The following NUP210L variants were observed in gnomAD, a reference collection of about 807,000 sequenced individuals.
NUP210L encodes nuclear pore membrane glycoprotein 210-like.
Under a neutral mutation model 208.5 loss-of-function variants are expected in NUP210L, and 74 were observed. That is an observed-to-expected ratio of 0.35 (90% CI 0.29 to 0.43). NUP210L has a LOEUF of 0.43. Among genes scored for constraint, NUP210L ranks in the 20% least tolerant of loss-of-function variants. The pLI is 1.00. For missense variants in NUP210L, 1,843 were observed against 2,289.4 expected (o/e 0.81, Z 3.98); for synonymous variants, 780 against 816.9 (o/e 0.95, Z 0.77).
chr1:154,151,829 C>G lies in NUP210L; in HGVS notation c.340+907G>C, dbSNP rs565058393. Among the ~76,000 whole-genome samples the G allele has an allele frequency of 3.9e-5, 6 of 152,048 alleles. No homozygotes were observed. The South Asian group carries it at 1.2e-3, about 32-fold the overall frequency. ...GCTGTCCGGGCACGGTGGCTCACAC[C>G]TATAATCCCAGCACTTTGGGAGGCT... On this transcript the variant is annotated intron_variant, in intron 2 of 39. Transcript: ENST00000368559.
At chr1:154,060,479 A>G in intron 20 of NUP210L, 61 bp downstream of exon 20, 1 of 1,027,726 alleles carries the variant, frequency 9.7e-7, no homozygotes, top group Non-Finnish European at 1.5e-6. Context: ...GAATTTTTCC[A>G]ATCTCCTCAG....
intron 15 of NUP210L, among the ~76,000 whole-genome samples, chr1:154,089,797 C>T (rs962851958): frequency 7.9e-5 from 12 of 151,994 alleles, no homozygotes; most frequent in African/African-American, 2.9e-4. Flanking sequence ...TTGAAAACAA[C>T]TGGAACATTA....
intron 13 of NUP210L, among the ~76,000 whole-genome samples, chr1:154,101,172 C>CA (rs35540425): frequency 0.56 from 58,840 of 104,602 alleles, 16,747 homozygotes; most frequent in African/African-American, 0.66. Context: ...AACTCTGTCT[C>CA]AAAAAAAAAA....
intron 16 of NUP210L, chr1:154,078,868 G>A (rs995163759): frequency 2.0e-5 from 3 of 152,190 alleles, no homozygotes; most frequent in Admixed American, 1.3e-4. Context: ...AGAAGGCCAT[G>A]CAGTTCATCA....
intron 2 of NUP210L, among the ~76,000 whole-genome samples, chr1:154,150,331 G>T (rs747850820): frequency 7.9e-5 from 12 of 151,980 alleles, no homozygotes; most frequent in African/African-American, 2.9e-4. Flanking sequence ...TGGAGATCAC[G>T]TCATTGCACT....
At chr1:154,105,486 TAA>T (rs11336927) in intron 12 of NUP210L, among the ~76,000 whole-genome samples, 73 of 147,280 alleles carry the variant, frequency 5.0e-4, no homozygotes, top group Non-Finnish European at 4.6e-4. Context: ...AAAAATCCGT[TAA>T]AAAAAAAAAA....
intron 17 of NUP210L, among the ~76,000 whole-genome samples, chr1:154,068,239 T>C (rs1654515604): frequency 6.6e-6 from 1 of 152,120 alleles, no homozygotes; most frequent in African/African-American, 2.4e-5. Context: ...AACAGAGATA[T>C]AGACCAATGG....
intron 27 of NUP210L, among the ~76,000 whole-genome samples, chr1:154,044,262 C>A (rs1386643101): frequency 6.6e-6 from 1 of 151,960 alleles, no homozygotes; most frequent in Admixed American, 6.6e-5. Flanking sequence ...AAAAAATTAG[C>A]CGGGCCTGGT....
rs201541774 is a variant in NUP210L at position 154,118,768 on chromosome 1, T to C, written c.1367A>G (p.Gln456Arg). The C allele has an allele frequency of 1.6e-5, 25 of 1,594,406 alleles. No individual in the cohort carries two copies. In the Admixed American group the frequency reaches 2.5e-4, roughly 16 times the overall value. The change falls in exon 11 of 40, where the codon CAA becomes CGA. Residue 456 changes from glutamine (Q) to arginine (R), a missense_variant. Gln to Arg is a conservative substitution (Grantham distance 43). Coordinates refer to ENST00000368559, the Ensembl canonical transcript of NUP210L. Reference sequence around the variant, plus strand: ...GGGAAAATAAATCTTCACTTCTTGTTGGTGTTTGATTAGAAATTTTATAGG... The same window carrying C: ...GGGAAAATAAATCTTCACTTCTTGTCGGTGTTTGATTAGAAATTTTATAGG...
rs151064115 is a variant in NUP210L at position 154,115,875 on chromosome 1, A to G, written c.1620+1850T>C. Among the ~76,000 whole-genome samples, 143 of 151,864 alleles carry G rather than the reference A, an allele frequency of 9.4e-4. 3 individuals carry two copies. The highest frequency in any genetic ancestry group is 3.7e-4 in the Non-Finnish European group (25 of 67,928). ...GGCTCATGCCTGTAATCCCACCACT[A>G]TGGAAGGCCGGGGTGGGCGGATCAC... On this transcript the variant is annotated intron_variant, in intron 12 of 39. Coordinates refer to ENST00000368559, the Ensembl canonical transcript of NUP210L.
intron 37 of NUP210L, among the ~76,000 whole-genome samples, chr1:153,997,495 CCTTT>C (rs1649962853): frequency 7.0e-6 from 1 of 143,766 alleles, no homozygotes; most frequent in Non-Finnish European, 1.5e-5. Context: ...CCTGAAACAG[CCTTT>C]CTTTCTCACT....
At chr1:154,100,882 A>G (rs984871103) in intron 13 of NUP210L, among the ~76,000 whole-genome samples, 3 of 152,046 alleles carry the variant, frequency 2.0e-5, no homozygotes, top group Non-Finnish European at 4.4e-5. Flanking sequence ...TATTAAAAAT[A>G]CCATCTTGGG....
intron 27 of NUP210L, among the ~76,000 whole-genome samples, chr1:154,040,212 A>G (rs149532521): frequency 0.011 from 1,674 of 152,176 alleles, 16 homozygotes; most frequent in Middle Eastern, 0.034. Context: ...TGTTGTAACA[A>G]TAAGGAAAAT....
At chr1:154,044,234 C>T (rs547047746) in intron 27 of NUP210L, among the ~76,000 whole-genome samples, 21 of 151,658 alleles carry the variant, frequency 1.4e-4, no homozygotes, top group Admixed American at 2.6e-4. Flanking sequence ...GGTGAAACCC[C>T]GTCTCTACTA....
chr1:154,135,800 G>C lies in NUP210L; in HGVS notation c.1009+14C>G. The C allele has an allele frequency of 5.0e-6, 8 of 1,610,654 alleles. No individual in the cohort carries two copies. Among genetic ancestry groups the C allele is most frequent in the Non-Finnish European group, 6.8e-6 (8 of 1,177,158 alleles). ...AAGTGTAGACTGGCAGCTAAAACTT[G>C]AACAAAAGGATACTTTTATGGACAA... On this transcript the variant is annotated intron_variant, in intron 7 of 39. Transcript: ENST00000368559.
In NUP210L at chr1:154,152,823, C is replaced by A. The variant is rs191237997; in HGVS notation, c.253G>T (p.Gly85Cys). 185 of 1,613,848 alleles carry A rather than the reference C, an allele frequency of 1.1e-4. 1 individual carries two copies. The highest frequency in any genetic ancestry group is 8.2e-4 in the Middle Eastern group (5 of 6,062). The change falls in exon 2 of 40, where the codon GGC becomes TGC. Residue 85 changes from glycine (G) to cysteine (C), a missense_variant. Transcript: ENST00000368559. The stretch of plus-strand genomic sequence containing the variant: ...ACAGCTTTTTGGGAACACAAGGTGC[C>A]ATTTTCATATAAAGGCTCAACAGTA...
At chr1:154,001,958 C>T (rs763032487) in exon 36 of NUP210L, 7 of 1,613,686 alleles carry the variant, frequency 4.3e-6, no homozygotes, top group African/African-American at 1.3e-5. Context: ...TGACTGCGGT[C>T]GAACCTTGAT....
rs189933193 is a variant in NUP210L, at chr1:154,139,695, A to C, written c.717+107T>G. On this transcript the variant is annotated intron_variant, in intron 5 of 39. Transcript: ENST00000368559. Reference sequence around the variant, plus strand: ...AAAAACAAACAAACAAACAAAAAAAAAAAAAAAACAGGGCGGGTAGTGCAT... The same window carrying C: ...AAAAACAAACAAACAAACAAAAAAACAAAAAAAACAGGGCGGGTAGTGCAT... 1,830 of 873,062 alleles carry C rather than the reference A, an allele frequency of 2.1e-3. 13 individuals are homozygous for C. The highest frequency in any genetic ancestry group is 0.015 in the African/African-American group (842 of 57,986). 54.1% of individuals were successfully genotyped at this position (873,062 alleles called of 1,614,324 possible). A position where few individuals can be genotyped will look rare whatever the true frequency, so the allele number is the denominator to read the frequency against.
At chr1:154,064,882 C>T (rs2148003601) in intron 17 of NUP210L, among the ~76,000 whole-genome samples, 1 of 151,174 alleles carries the variant, frequency 6.6e-6, no homozygotes, top group South Asian at 2.1e-4. Flanking sequence ...CGAGACCAGC[C>T]TGGCCAACAT....
Sources: gnomAD v4.1 joint callset for allele counts (sites outside exome capture counted in the v4.1 genomes callset) on GRCh38, gnomAD v4.1.1 for gene constraint, MANE v1.5 for transcripts, NCBI Gene and HGNC (gene_info 2026-07-23, HGNC 2026-07-21) for gene names.